FER: variants seen among roughly 807,000 people sequenced by gnomAD.
The protein encoded by FER is tyrosine-protein kinase Fer.
In FER, 63 loss-of-function variants were observed where a neutral mutation model predicts 111.0. The observed-to-expected ratio is 0.57, with a 90% CI of 0.46 to 0.70. The LOEUF is 0.70. Ranked by LOEUF, FER falls within the 30% of genes least tolerant of loss-of-function variation. The pLI, the probability that FER is intolerant of heterozygous loss-of-function variation, is 0.00. For synonymous variants in FER, 327 were observed against 313.9 expected, an observed-to-expected ratio of 1.04 and a Z score of -0.44; for missense variants, 914 against 954.0, an observed-to-expected ratio of 0.96 and a Z score of 0.55.
chr5:108,845,652 T>C (rs1310544035), intron 5 of FER, among the ~76,000 whole-genome samples: 1 of 152,130 alleles, frequency 6.6e-6, no homozygotes, highest in East Asian at 1.9e-4. Flanking sequence ...TCCTCCAGTA[T>C]GATATTGAAT....
At chr5:108,828,308 T>A (rs1327704561) in intron 3 of FER, among the ~76,000 whole-genome samples, 1 of 152,208 alleles carries the variant, frequency 6.6e-6, no homozygotes, top group Admixed American at 6.5e-5. Context: ...AACCTTCACT[T>A]GGTTAACTTT....
At chr5:109,052,238 G>A in intron 16 of FER, 1 of 1,605,974 alleles carries the variant, frequency 6.2e-7, no homozygotes, top group Non-Finnish European at 8.5e-7. Flanking sequence ...AAGCGCACAT[G>A]AGAGATTGGG....
chr5:108,818,590 TG>T (rs1758516194), intron 3 of FER, among the ~76,000 whole-genome samples: 1 of 152,230 alleles, frequency 6.6e-6, no homozygotes, highest in African/African-American at 2.4e-5. Context: ...TTTGTTTTCC[TG>T]GGGCATTGGG....
At chr5:109,089,147 A>G (rs1036675736) in intron 16 of FER, among the ~76,000 whole-genome samples, 5 of 152,222 alleles carry the variant, frequency 3.3e-5, no homozygotes, top group African/African-American at 7.2e-5. Flanking sequence ...TGGCAGATCT[A>G]TGATCTCACT....
At chr5:109,149,023 T>C (rs1306775488) in intron 17 of FER, among the ~76,000 whole-genome samples, 1 of 152,144 alleles carries the variant, frequency 6.6e-6, no homozygotes, top group Non-Finnish European at 1.5e-5. Context: ...CATAACCTAG[T>C]TCAATCAGGG....
chr5:109,187,283 T>C, intron 19 of FER, 150 bp from the exon 20 acceptor site: 1 of 716,324 alleles, frequency 1.4e-6, no homozygotes, highest in South Asian at 2.2e-5. Context: ...CTGTAGAAAA[T>C]AAAAACTCAG....
At position 108,835,181 on chromosome 5, in the gene FER, G is replaced by GCCGCCCCCCCCC. The variant is rs1312154707; in HGVS notation, c.382-525_382-524insGCCCCCCCCCCC. On this transcript the variant is annotated intron_variant, in intron 4 of 19. Transcript: ENST00000281092. ...ATGGCAGTGTTATTTCTTCGTTTGC[G>GCCGCCCCCCCCC]CCACCCCCCCCCCCCCACTTTTTTT... Among the ~76,000 whole-genome samples, 14 of 56,308 alleles carry GCCGCCCCCCCCC rather than the reference G, an allele frequency of 2.5e-4. 1 individual carries two copies. Among genetic ancestry groups the GCCGCCCCCCCCC allele is most frequent in the Admixed American group, 4.6e-4 (3 of 6,464 alleles). The allele number at this position is 56,308 out of a possible 152,430, so 36.9% of individuals were successfully genotyped here. A position where few individuals can be genotyped will look rare whatever the true frequency, so the allele number is the denominator to read the frequency against.
chr5:108,997,620 TGAG>T (rs1343107900), intron 13 of FER, among the ~76,000 whole-genome samples: 1 of 152,040 alleles, frequency 6.6e-6, no homozygotes, highest in Non-Finnish European at 1.5e-5. Context: ...GGGACCCACT[TGAG>T]GAGGCAGTCT....
chr5:109,146,873 G>A (rs1259694359), intron 17 of FER, among the ~76,000 whole-genome samples: 1 of 151,754 alleles, frequency 6.6e-6, no homozygotes, highest in Non-Finnish European at 1.5e-5. Context: ...AAAATCCAAA[G>A]GAGATTTAAA....
At chr5:108,807,011 A>G (rs763926867) in intron 3 of FER, among the ~76,000 whole-genome samples, 1 of 151,806 alleles carries the variant, frequency 6.6e-6, no homozygotes, top group African/African-American at 2.4e-5. Context: ...TTGAATTTTA[A>G]CTCCCACAAT....
chr5:108,949,915 G>A (rs115271079), intron 11 of FER, among the ~76,000 whole-genome samples: 171 of 152,114 alleles, frequency 1.1e-3, no homozygotes, highest in African/African-American at 4.0e-3. Flanking sequence ...GGATGAGTGA[G>A]AGTCACAGGC....
chr5:109,113,799 A>G (rs146170998), intron 17 of FER, among the ~76,000 whole-genome samples: 25 of 152,270 alleles, frequency 1.6e-4, no homozygotes, highest in African/African-American at 5.8e-4. Flanking sequence ...TTACCTTTAT[A>G]AATGCTTACT....
intron 10 of FER, among the ~76,000 whole-genome samples, chr5:108,944,683 T>G (rs1756734122): frequency 6.6e-6 from 1 of 152,020 alleles, no homozygotes; most frequent in Admixed American, 6.6e-5. Context: ...ACAAATGAGT[T>G]TCATGTTTTA....
intron 13 of FER, chr5:109,014,989 C>T (rs1023710038): frequency 6.6e-6 from 1 of 151,872 alleles, no homozygotes. Flanking sequence ...TTTTTAAAGA[C>T]TGTTTTGTTC....
chr5:108,876,583 G>T (rs956850449), intron 8 of FER, among the ~76,000 whole-genome samples: 1 of 152,194 alleles, frequency 6.6e-6, no homozygotes, highest in Non-Finnish European at 1.5e-5. Flanking sequence ...AGGCATAGCA[G>T]AATGTGGATT....
chr5:109,186,676 G>T (rs1758908438), intron 19 of FER, among the ~76,000 whole-genome samples: 1 of 152,158 alleles, frequency 6.6e-6, no homozygotes, highest in South Asian at 2.1e-4. Context: ...CAATTGAAAT[G>T]CAGTTAGTCT....
In FER at chr5:108,883,466, G is replaced by T; in HGVS notation, c.994G>T (p.Glu332Ter). 6.2e-7 allele frequency: 1 copy of T among 1,609,004 alleles called. No homozygotes were observed. Among genetic ancestry groups the T allele is most frequent in the Non-Finnish European group, 8.5e-7 (1 of 1,176,744 alleles). Residue 332 changes from glutamate (E) to a stop codon, truncating the protein, a stop_gained, in exon 9 of 20, where the codon GAG (glutamate) becomes TAG (stop). Transcript: ENST00000281092. LOFTEE classifies it high-confidence loss of function. ...TTTAAACAAGGAGGAGGCTGTTTTGGAGTTAGAGAAGAGAATTGAAGAATC... is the reference window on the plus strand; with the variant it reads ...TTTAAACAAGGAGGAGGCTGTTTTGTAGTTAGAGAAGAGAATTGAAGAATC... The part of the protein sequence containing the change: ...MLLNKEEAVL[E>*]LEKRIEESSE...
At chr5:108,890,289 T>C (rs572675163) in intron 9 of FER, among the ~76,000 whole-genome samples, 1 of 152,236 alleles carries the variant, frequency 6.6e-6, no homozygotes, top group East Asian at 1.9e-4. Context: ...CCATGGTATG[T>C]GTATCAGTTT....
chr5:109,071,715 A>G (rs748734892), intron 16 of FER, among the ~76,000 whole-genome samples: 4 of 151,884 alleles, frequency 2.6e-5, no homozygotes, highest in Non-Finnish European at 2.9e-5. Flanking sequence ...GGACACGGGG[A>G]ATTTTTATTA....
Sources: gnomAD v4.1 joint callset for allele counts (sites outside exome capture counted in the v4.1 genomes callset) on GRCh38, gnomAD v4.1.1 for gene constraint, MANE v1.5 for transcripts, NCBI Gene and HGNC (gene_info 2026-07-23, HGNC 2026-07-21) for gene names.